The following TAFA1 variants were observed in gnomAD, a reference collection of about 807,000 sequenced individuals.
TAFA1 encodes TAFA chemokine like family member 1.
TAFA1 carries 4 observed loss-of-function variants against 18.5 expected under a neutral mutation model. That is an observed-to-expected ratio of 0.22 (90% confidence interval 0.11 to 0.49). The LOEUF (loss-of-function observed/expected upper bound fraction) is 0.49, where lower values mean the gene tolerates loss of function less well. Among genes scored for constraint, TAFA1 ranks in the 20% least tolerant of loss-of-function variants. The pLI is 0.98. For missense variants in TAFA1, 147 were observed against 169.0 expected, an observed-to-expected ratio of 0.87 and a Z score of 0.72; for synonymous variants, 56 against 55.2, an observed-to-expected ratio of 1.01 and a Z score of -0.06.
chr3:68,346,042 C>G (rs1471845320), intron 2 of TAFA1, among the ~76,000 whole-genome samples: 1 of 152,094 alleles, frequency 6.6e-6, no homozygotes, highest in African/African-American at 2.4e-5. Context: ...TCCTTGGGAC[C>G]TCACTAGCTG....
At chr3:68,168,024 T>A in intron 2 of TAFA1, among the ~76,000 whole-genome samples, 1 of 152,004 alleles carries the variant, frequency 6.6e-6, no homozygotes, top group East Asian at 1.9e-4. Context: ...TGTGGTAGTG[T>A]CCTCTATTTG....
intron 3 of TAFA1, among the ~76,000 whole-genome samples, chr3:68,446,546 C>T (rs2071476280): frequency 6.6e-6 from 1 of 152,106 alleles, no homozygotes; most frequent in Admixed American, 6.6e-5. Context: ...ATATGCCTGT[C>T]ATTAAATAAT....
At chr3:68,010,206 T>C (rs932965667) in intron 2 of TAFA1, among the ~76,000 whole-genome samples, 2 of 152,190 alleles carry the variant, frequency 1.3e-5, no homozygotes, top group African/African-American at 4.8e-5. Flanking sequence ...TGCTTAGGAA[T>C]GGCTCCCCCC....
Position 68,153,210 on chromosome 3 carries a change from C to CTAA in TAFA1, c.118+146466_118+146467insTAA, listed in dbSNP as rs1471523370. Among the ~76,000 whole-genome samples the CTAA allele has an allele frequency of 3.3e-5, 5 of 152,294 alleles. No homozygotes were observed. In the East Asian group the frequency reaches 9.6e-4, roughly 29 times the overall value. ...TAAATGATACAAAATCTAACACGAT[C>CTAA]CAGTGCTCAACCAGGTGTGTCTATA... On this transcript the variant is annotated intron_variant, in intron 2 of 4. Coordinates refer to ENST00000478136, the MANE Select transcript of TAFA1 (RefSeq NM_213609.4).
chr3:68,291,181 T>A (rs1456663332), intron 2 of TAFA1, among the ~76,000 whole-genome samples: 1 of 152,166 alleles, frequency 6.6e-6, no homozygotes, highest in Admixed American at 6.5e-5. Context: ...AGGTGTTGAA[T>A]CGAAATAACT....
intron 2 of TAFA1, among the ~76,000 whole-genome samples, chr3:68,369,554 A>G (rs2069638894): frequency 1.3e-5 from 2 of 152,332 alleles, no homozygotes; most frequent in South Asian, 4.1e-4. Flanking sequence ...ATTGGTTGTT[A>G]GCCAATAGTA....
chr3:68,337,314 G>A (rs184236655), intron 2 of TAFA1, among the ~76,000 whole-genome samples: 1 of 151,998 alleles, frequency 6.6e-6, no homozygotes, highest in Non-Finnish European at 1.5e-5. Flanking sequence ...GGGAGCGGGG[G>A]TGGTGCCACA....
intron 3 of TAFA1, among the ~76,000 whole-genome samples, chr3:68,509,691 C>A (rs1220096466): frequency 6.6e-6 from 1 of 151,996 alleles, no homozygotes; most frequent in Non-Finnish European, 1.5e-5. Flanking sequence ...CCAGCCATTA[C>A]CAGCTATGTA....
intron 2 of TAFA1, among the ~76,000 whole-genome samples, chr3:68,008,293 T>G (rs960470323): frequency 6.6e-6 from 1 of 152,252 alleles, no homozygotes; most frequent in African/African-American, 2.4e-5. Flanking sequence ...CCACTTTACC[T>G]CCAATCACTT....
intron 3 of TAFA1, among the ~76,000 whole-genome samples, chr3:68,496,340 A>G (rs895066917): frequency 2.0e-5 from 3 of 152,086 alleles, no homozygotes; most frequent in African/African-American, 7.2e-5. Flanking sequence ...AATGTTAGAG[A>G]AGTCTGAACT....
At chr3:68,176,663 C>T (rs967960394) in intron 2 of TAFA1, among the ~76,000 whole-genome samples, 1 of 152,038 alleles carries the variant, frequency 6.6e-6, no homozygotes, top group Non-Finnish European at 1.5e-5. Context: ...ACATATTTAC[C>T]ACTTCTCTAT....
intron 2 of TAFA1, among the ~76,000 whole-genome samples, chr3:68,087,227 T>A (rs2064981162): frequency 6.6e-6 from 1 of 152,156 alleles, no homozygotes; most frequent in South Asian, 2.1e-4. Context: ...TTTGAGACAA[T>A]AGTTGAAAAT....
chr3:68,266,516 A>T (rs1575728650), intron 2 of TAFA1, among the ~76,000 whole-genome samples: 1 of 152,064 alleles, frequency 6.6e-6, no homozygotes, highest in East Asian at 1.9e-4. Flanking sequence ...ACAAACAGAA[A>T]CTCGTTTGAT....
At chr3:68,230,005 C>T (rs181173789) in intron 2 of TAFA1, among the ~76,000 whole-genome samples, 46 of 152,110 alleles carry the variant, frequency 3.0e-4, no homozygotes, top group Non-Finnish European at 6.5e-4. Flanking sequence ...AAGAGTTGTA[C>T]ATGTACATGG....
At chr3:68,538,656 G>C in intron 3 of TAFA1, 100 bp from the exon 4 acceptor site, 1 of 1,179,604 alleles carries the variant, frequency 8.5e-7, no homozygotes, top group Non-Finnish European at 1.2e-6. Flanking sequence ...AGAGAACTTA[G>C]TGTGCTTCCA....
At chr3:68,082,668 T>A (rs1020842573) in intron 2 of TAFA1, among the ~76,000 whole-genome samples, 1 of 152,208 alleles carries the variant, frequency 6.6e-6, no homozygotes, top group African/African-American at 2.4e-5. Context: ...ACGATGATGA[T>A]GATGAGTTTA....
intron 3 of TAFA1, among the ~76,000 whole-genome samples, chr3:68,461,494 G>C (rs909203537): frequency 6.0e-5 from 9 of 151,048 alleles, no homozygotes; most frequent in African/African-American, 2.2e-4. Flanking sequence ...CGCTCTGGCT[G>C]TTCTCACTGA....
intron 2 of TAFA1, among the ~76,000 whole-genome samples, chr3:68,260,552 G>A (rs1272475464): frequency 6.6e-6 from 1 of 152,010 alleles, no homozygotes; most frequent in Non-Finnish European, 1.5e-5. Context: ...AAACAGCATG[G>A]TACTGGTACC....
At chr3:68,075,827 G>T (rs2064816357) in intron 2 of TAFA1, among the ~76,000 whole-genome samples, 1 of 151,836 alleles carries the variant, frequency 6.6e-6, no homozygotes, top group Non-Finnish European at 1.5e-5. Flanking sequence ...CTCCCTACTG[G>T]CTGGGACTAC....
Sources: allele counts gnomAD v4.1 joint callset (sites outside exome capture counted in the v4.1 genomes callset), GRCh38; gene constraint gnomAD v4.1.1; transcripts MANE v1.5; gene names NCBI Gene and HGNC (gene_info 2026-07-23, HGNC 2026-07-21).